ZNF30: variants seen among roughly 807,000 people sequenced by gnomAD.
The protein encoded by ZNF30 is zinc finger protein 30.
Under a neutral mutation model 13.2 loss-of-function variants are expected in ZNF30, and 15 were observed. The ratio of observed to expected loss-of-function variants is 1.13; its 90% CI spans 0.76 to 1.75. ZNF30 has a LOEUF of 1.75. Ranked by LOEUF, ZNF30 falls within the 40% of genes most tolerant of loss-of-function variation. The probability of loss-of-function intolerance (pLI) is 0.00; values close to 1 mark genes in which losing one functional copy is unlikely to be tolerated. For missense variants in ZNF30, 726 were observed against 757.0 expected (o/e 0.96, Z 0.48); for synonymous variants, 223 against 256.6 (o/e 0.87, Z 1.25).
intron 4 of ZNF30, among the ~76,000 whole-genome samples, chr19:34,940,328 A>G (rs1600229355): frequency 6.6e-6 from 1 of 152,106 alleles, no homozygotes; most frequent in Non-Finnish European, 1.5e-5. Context: ...GTACACAACT[A>G]TGTCATTTCA....
intron 1 of ZNF30, among the ~76,000 whole-genome samples, chr19:34,929,020 C>T (rs1438804579): frequency 6.6e-6 from 1 of 152,146 alleles, no homozygotes; most frequent in Non-Finnish European, 1.5e-5. Context: ...CGGTGGCTCA[C>T]GCCTGTAATC....
At chr19:34,942,739 G>T in intron 4 of ZNF30, 1 of 725,982 alleles carries the variant, frequency 1.4e-6, no homozygotes. Flanking sequence ...GGGACAGAGG[G>T]AGTTGTGTCT....
intron 4 of ZNF30, 29 bp from the exon 5 acceptor site, chr19:34,943,194 A>G (rs964366883): frequency 7.0e-7 from 1 of 1,418,676 alleles, no homozygotes; most frequent in Admixed American, 3.0e-5. Context: ...CAAATAGAAA[A>G]ATAAGATATT....
chr19:34,940,001 T>C (rs2012952236), intron 4 of ZNF30, among the ~76,000 whole-genome samples: 1 of 152,236 alleles, frequency 6.6e-6, no homozygotes, highest in Admixed American at 6.5e-5. Flanking sequence ...TAGTATATTT[T>C]GAAAATAAGT....
rs1427160636 is a variant in ZNF30 at position 34,939,130 on chromosome 19, C to T, written c.257-4093C>T. 3.5e-4 allele frequency among the ~76,000 whole-genome samples: 28 copies of T among 80,194 alleles called. No homozygotes were observed. In the East Asian group the frequency reaches 4.6e-3, roughly 13 times the overall value. The allele number at this position is 80,194 out of a possible 152,430, so 52.6% of individuals were successfully genotyped here. On this transcript the variant is annotated intron_variant, in intron 4 of 4. Transcript: ENST00000601142. Reference sequence around the variant, plus strand: ...ACCTATCAGTGTCTTGTCTCCCCTCCCCTCCCCTCCCCTCCCCTCCCCTCC... The same window carrying T: ...ACCTATCAGTGTCTTGTCTCCCCTCTCCTCCCCTCCCCTCCCCTCCCCTCC...
rs1157350337 is a variant in ZNF30, at chr19:34,944,510, AG to A, written c.1546del (p.Glu516SerfsTer100). On this transcript the variant is annotated frameshift_variant, in exon 5 of 5. Coordinates refer to ENST00000601142, the MANE Select transcript of ZNF30 (RefSeq NM_194325.3). LOFTEE classifies it low-confidence loss of function (END_TRUNC). ...IHTGKKPYEC[K>X]ECGKAFSSGS... is the part of the protein sequence containing the mutation. ...ACTGGTAAGAAGCCCTATGAGTGTA[AG>A]GAGTGTGGCAAGGCCTTCAGTTCTG... 6 of 1,614,158 alleles carry A rather than the reference AG, an allele frequency of 3.7e-6. No individual in the cohort carries two copies. The highest frequency in any genetic ancestry group is 5.1e-6 in the Non-Finnish European group (6 of 1,179,996).
Position 34,943,807 on chromosome 19 carries a change from AT to A in ZNF30, c.843del (p.His282IlefsTer88), listed in dbSNP as rs1248155099. On this transcript the variant is annotated frameshift_variant, in exon 5 of 5. Transcript: ENST00000601142. LOFTEE classifies it low-confidence loss of function (END_TRUNC). ...TTCATACCTGGTTCAACATCAGCGA[AT>A]TCATACCAGTGAAAAACCTTACGAA... is the stretch of plus-strand genomic sequence containing the variant. Reference protein sequence around the residue: ...TFSYLVQHQRIHTSEKPYECK... With the variant: ...TFSYLVQHQRXHTSEKPYECK... 1 of 1,613,872 alleles carries A rather than the reference AT, an allele frequency of 6.2e-7. No homozygotes were observed. Among genetic ancestry groups the A allele is most frequent in the Admixed American group, 1.7e-5 (1 of 59,986 alleles).
chr19:34,932,998 C>G (rs1178685300), intron 3 of ZNF30, among the ~76,000 whole-genome samples: 1 of 151,746 alleles, frequency 6.6e-6, no homozygotes, highest in Non-Finnish European at 1.5e-5. Context: ...CCAGGCTGGT[C>G]TCGAACTCCT....
rs2013156428 is a variant in ZNF30 at position 34,943,529 on chromosome 19, G to T, written c.563G>T (p.Gly188Val). The T allele has an allele frequency of 6.2e-7, 1 of 1,613,440 alleles. No individual in the cohort carries two copies. Among genetic ancestry groups the T allele is most frequent in the Non-Finnish European group, 8.5e-7 (1 of 1,179,682 alleles). The change falls in exon 5 of 5, where the codon GGC (glycine) becomes GTC (valine). Residue 188 changes from glycine to valine, a missense_variant. By Grantham distance (109) the Gly-to-Val change is moderately radical. Coordinates refer to ENST00000601142, the MANE Select transcript of ZNF30 (RefSeq NM_194325.3). ...YEKCGKAFIS[G>V]SAFVKHGRIH... ...AAATGTGGGAAGGCCTTTATCAGTG[G>T]CTCAGCCTTTGTTAAGCATGGGAGA...
intron 4 of ZNF30, among the ~76,000 whole-genome samples, chr19:34,941,961 C>G (rs1360239074): frequency 6.6e-6 from 1 of 152,088 alleles, no homozygotes; most frequent in Non-Finnish European, 1.5e-5. Context: ...TGGTCCAACC[C>G]CACATTATTG....
At chr19:34,927,818 TTTTA>T (rs2012158958) in intron 1 of ZNF30, among the ~76,000 whole-genome samples, 1 of 152,168 alleles carries the variant, frequency 6.6e-6, no homozygotes, top group Admixed American at 6.5e-5. Context: ...TCTGTTGGTT[TTTTA>T]TTTGTTTGTT....
upstream of ZNF30, among the ~76,000 whole-genome samples, chr19:34,926,206 G>C (rs951439934): frequency 3.3e-5 from 5 of 152,052 alleles, no homozygotes; most frequent in Non-Finnish European, 7.4e-5. Flanking sequence ...AACAAAAAGC[G>C]GAGCTGACAG....
At chr19:34,926,833 C>G (rs1487916989), upstream of ZNF30, 1 of 396,572 alleles carries the variant, frequency 2.5e-6, no homozygotes, top group African/African-American at 2.1e-5. Context: ...CCCAGCAACT[C>G]GAGCGCCTGC....
chr19:34,932,089 C>A, intron 3 of ZNF30, 96 bp downstream of exon 3: 1 of 1,111,110 alleles, frequency 9.0e-7, no homozygotes, highest in Non-Finnish European at 1.2e-6. Context: ...AACACGATTT[C>A]TTCTTGTTGC....
chr19:34,943,952 G>A lies in ZNF30; in HGVS notation c.986G>A (p.Gly329Glu), dbSNP rs1033738174. 4.3e-6 allele frequency: 7 copies of A among 1,613,472 alleles called. No individual in the cohort carries two copies. In the African/African-American group the frequency reaches 8.0e-5, roughly 19 times the overall value. ...TGTGGGAAGTCCTTCACTGTGTATG[G>A]ACAGCTTACTCGACATCAGAGTATT... ...KECGKSFTVYGQLTRHQSIHT... is the reference protein window; with the variant it reads ...KECGKSFTVYEQLTRHQSIHT... The change falls in exon 5 of 5, where the codon GGA becomes GAA. Residue 329 changes from glycine (G) to glutamate (E), a missense_variant. Gly to Glu is a moderately conservative substitution (Grantham distance 98). Coordinates refer to ENST00000601142, the MANE Select transcript of ZNF30 (RefSeq NM_194325.3).
intron 2 of ZNF30, 75 bp from the exon 3 acceptor site, chr19:34,931,768 A>G (rs2012464818): frequency 6.9e-7 from 1 of 1,450,784 alleles, no homozygotes; most frequent in African/African-American, 1.4e-5. Flanking sequence ...TTGTTATGTT[A>G]TTGCTCCCTT....
intron 2 of ZNF30, among the ~76,000 whole-genome samples, chr19:34,931,295 G>A (rs993637105): frequency 2.0e-5 from 3 of 151,934 alleles, no homozygotes; most frequent in East Asian, 3.9e-4. Context: ...CCTCAGCCTC[G>A]CAAAGTTACT....
intron 1 of ZNF30, among the ~76,000 whole-genome samples, chr19:34,928,246 T>TAG (rs1455233195): frequency 3.3e-4 from 18 of 54,038 alleles, no homozygotes; most frequent in African/African-American, 1.6e-3. Flanking sequence ...TATATATATA[T>TAG]ATATATATAG....
At chr19:34,928,797 G>A (rs1158914048) in intron 1 of ZNF30, among the ~76,000 whole-genome samples, 3 of 152,172 alleles carry the variant, frequency 2.0e-5, no homozygotes, top group African/African-American at 7.2e-5. Flanking sequence ...GGGCAACAGA[G>A]TGAGACCCTG....
Sources: gnomAD v4.1 joint callset for allele counts (sites outside exome capture counted in the v4.1 genomes callset) on GRCh38, gnomAD v4.1.1 for gene constraint, MANE v1.5 for transcripts, NCBI Gene and HGNC (gene_info 2026-07-23, HGNC 2026-07-21) for gene names.